CHD9: variants seen among roughly 807,000 people sequenced by gnomAD.
CHD9 encodes chromodomain helicase DNA binding protein 9.
In CHD9, 77 loss-of-function variants were observed where a neutral mutation model predicts 316.1. That is an observed-to-expected ratio of 0.24 (90% confidence interval 0.20 to 0.29). The LOEUF (loss-of-function observed/expected upper bound fraction) is 0.29. CHD9 is among the 10% of genes least tolerant of loss of function. The probability of loss-of-function intolerance (pLI) is 1.00; values close to 1 mark genes in which losing one functional copy is unlikely to be tolerated. For synonymous variants in CHD9, 1,129 were observed against 1,158.3 expected, an observed-to-expected ratio of 0.97 and a Z score of 0.51; for missense variants, 2,763 against 3,438.1, an observed-to-expected ratio of 0.80 and a Z score of 4.91.
At chr16:53,184,994 G>T (rs2043859828) in intron 2 of CHD9, among the ~76,000 whole-genome samples, 1 of 152,218 alleles carries the variant, frequency 6.6e-6, no homozygotes, top group South Asian at 2.1e-4. Context: ...CCGAAACTGT[G>T]AGTCAACTAA....
chr16:53,223,841 T>G (rs2047437686), intron 4 of CHD9, among the ~76,000 whole-genome samples: 1 of 152,178 alleles, frequency 6.6e-6, no homozygotes, highest in Non-Finnish European at 1.5e-5. Flanking sequence ...GATTGTGTCA[T>G]TAAATAAATG....
Position 53,227,550 on chromosome 16 carries a change from A to G in CHD9, c.2115A>G (p.Ile705Met), listed in dbSNP as rs1352371577. 6.8e-7 allele frequency: 1 copy of G among 1,463,228 alleles called. No homozygotes were observed. Among genetic ancestry groups the G allele is most frequent in the Admixed American group, 2.3e-5 (1 of 44,208 alleles). 90.6% of individuals were successfully genotyped at this position (1,463,228 alleles called of 1,614,324 possible). The change falls in exon 7 of 39, where the codon ATA becomes ATG. Residue 705 changes from isoleucine to methionine, a missense_variant and splice_region_variant. Ile to Met is a conservative substitution (Grantham distance 10, BLOSUM62 1). Coordinates refer to ENST00000447540, the MANE Select transcript of CHD9 (RefSeq NM_001308319.2). ...CATTACTGATTTTCTTTTCTTAGAT[A>G]TCACCTGGAGTGATGATTGATACAG... is the stretch of plus-strand genomic sequence containing the variant. ...ILSSRTVKKE[I>M]SPGVMIDTEE...
At chr16:53,081,890 T>A (rs921845372) in intron 1 of CHD9, among the ~76,000 whole-genome samples, 1 of 150,114 alleles carries the variant, frequency 6.7e-6, no homozygotes, top group Non-Finnish European at 1.5e-5. Context: ...TAACCTTGGA[T>A]ACTTTTCCTC....
chr16:53,275,841 C>T (rs368430677), intron 24 of CHD9, among the ~76,000 whole-genome samples: 18 of 152,208 alleles, frequency 1.2e-4, no homozygotes, highest in Admixed American at 1.0e-3. Flanking sequence ...TCTATATCCA[C>T]CTATGATCCA....
intron 13 of CHD9, among the ~76,000 whole-genome samples, chr16:53,243,487 A>G (rs2049282241): frequency 6.6e-6 from 1 of 152,112 alleles, no homozygotes; most frequent in East Asian, 1.9e-4. Flanking sequence ...CTAATTTTGT[A>G]TTTTTAGTAG....
intron 21 of CHD9, 121 bp downstream of exon 21, chr16:53,267,611 A>G (rs1420496694): frequency 1.4e-6 from 1 of 717,762 alleles, no homozygotes; most frequent in Non-Finnish European, 2.2e-6. Context: ...CTTTTAAAGT[A>G]CTCTATTTTT....
intron 1 of CHD9, among the ~76,000 whole-genome samples, chr16:53,094,727 C>T (rs1339463693): frequency 6.6e-6 from 1 of 150,788 alleles, no homozygotes; most frequent in African/African-American, 2.4e-5. Context: ...GAAACCTCTG[C>T]CTCCCGGGTT....
chr16:53,319,207 A>T (rs1157888137), intron 37 of CHD9, among the ~76,000 whole-genome samples: 1 of 152,234 alleles, frequency 6.6e-6, no homozygotes, highest in Non-Finnish European at 1.5e-5. Context: ...TAATTAGGAA[A>T]GAAAAAATGG....
intron 1 of CHD9, among the ~76,000 whole-genome samples, chr16:53,129,538 T>G (rs1262799451): frequency 6.6e-6 from 1 of 152,238 alleles, no homozygotes; most frequent in Admixed American, 6.5e-5. Flanking sequence ...ATATAAAGAA[T>G]GAAATTACTT....
At position 53,308,741 on chromosome 16, in the gene CHD9, T is replaced by C. The variant is rs2056209520; in HGVS notation, c.7109T>C (p.Phe2370Ser). Residue 2370 changes from phenylalanine (F) to serine (S), a missense_variant, in exon 34 of 39, where the codon TTT becomes TCT. Transcript: ENST00000447540. ...QKQGLAQKRP[F>S]DGEDGALGQQ... The stretch of plus-strand genomic sequence containing the variant: ...CAAGGGCTTGCTCAGAAAAGACCAT[T>C]TGATGGTGAAGACGGTGCTCTGGGG... 1.2e-6 allele frequency: 2 copies of C among 1,613,364 alleles called. No individual in the cohort carries two copies. Among genetic ancestry groups the C allele is most frequent in the African/African-American group, 2.7e-5 (2 of 74,914 alleles).
rs866444269 is a variant in CHD9, at chr16:53,268,018, G to A, written c.4609G>A (p.Ala1537Thr). The A allele has an allele frequency of 3.1e-6, 5 of 1,613,502 alleles. No individual in the cohort carries two copies. The highest frequency in any genetic ancestry group is 1.7e-5 in the Admixed American group (1 of 59,924). ...DVEIICRALL[A>T]YCLVHYRGDE... ...AGAGATAATTTGCCGAGCTCTCTTA[G>A]CATATTGCCTTGTTCACTACCGAGG... Residue 1537 changes from alanine to threonine, a missense_variant, in exon 22 of 39, where the codon GCA becomes ACA. Ala to Thr is a moderately conservative substitution (Grantham distance 58). Transcript: ENST00000447540.
intron 1 of CHD9, among the ~76,000 whole-genome samples, chr16:53,094,311 C>G (rs904171309): frequency 6.6e-6 from 1 of 152,168 alleles, no homozygotes; most frequent in Non-Finnish European, 1.5e-5. Context: ...AACACAGGAA[C>G]TGGAAGTCTG....
chr16:53,193,366 A>G (rs950914750), intron 2 of CHD9, among the ~76,000 whole-genome samples: 3 of 151,858 alleles, frequency 2.0e-5, no homozygotes, highest in Non-Finnish European at 4.4e-5. Context: ...GGAGAGTGGC[A>G]TGAACCCGGG....
At chr16:53,225,602 TTA>T (rs2047589551) in intron 4 of CHD9, among the ~76,000 whole-genome samples, 1 of 152,110 alleles carries the variant, frequency 6.6e-6, no homozygotes, top group Non-Finnish European at 1.5e-5. Context: ...TATTTAAAAA[TTA>T]TCTTACTACA....
chr16:53,256,023 T>C (rs981457263), intron 19 of CHD9, among the ~76,000 whole-genome samples: 3 of 152,172 alleles, frequency 2.0e-5, no homozygotes, highest in Admixed American at 6.6e-5. Context: ...GTAGAACATA[T>C]GAAATCAAAG....
At chr16:53,146,378 G>A (rs1459202985) in intron 1 of CHD9, among the ~76,000 whole-genome samples, 1 of 97,732 alleles carries the variant, frequency 1.0e-5, no homozygotes, top group Non-Finnish European at 2.1e-5. Flanking sequence ...GGGTGACAGT[G>A]AGACTCTGTC....
At chr16:53,231,378 G>C in intron 8 of CHD9, 41 bp from the exon 9 acceptor site, 1 of 1,166,348 alleles carries the variant, frequency 8.6e-7, no homozygotes, top group Non-Finnish European at 1.3e-6. Flanking sequence ...TATCATTCCA[G>C]TTCTTTGTCA....
rs1307036926 is a variant in CHD9, at chr16:53,231,803, C to T, written c.2511+19C>T. On this transcript the variant is annotated intron_variant, in intron 10 of 38. Transcript: ENST00000447540. Reference sequence around the variant, plus strand: ...ACGTTTGGTAAGAACCTGTTTTAGACAGCTTTATAAAATCTTAGCACTTGT... The same window carrying T: ...ACGTTTGGTAAGAACCTGTTTTAGATAGCTTTATAAAATCTTAGCACTTGT... 3 of 1,575,282 alleles carry T rather than the reference C, an allele frequency of 1.9e-6. No individual in the cohort carries two copies. In the East Asian group the frequency reaches 6.7e-5, roughly 35 times the overall value.
intron 11 of CHD9, among the ~76,000 whole-genome samples, chr16:53,236,917 C>T (rs555296457): frequency 6.6e-6 from 1 of 151,794 alleles, no homozygotes; most frequent in South Asian, 2.1e-4. Flanking sequence ...GTCTTTAGCT[C>T]TCTTTTCATA....
Sources: gnomAD v4.1 joint callset for allele counts (sites outside exome capture counted in the v4.1 genomes callset) on GRCh38, gnomAD v4.1.1 for gene constraint, MANE v1.5 for transcripts, NCBI Gene and HGNC (gene_info 2026-07-23, HGNC 2026-07-21) for gene names.